Variants in COG7 observed in about 807,000 individuals in gnomAD.
The protein encoded by COG7 is conserved oligomeric Golgi complex subunit 7.
COG7 carries 49 observed loss-of-function variants against 91.5 expected under a neutral mutation model. The ratio of observed to expected loss-of-function variants is 0.54; its 90% CI spans 0.43 to 0.68. The LOEUF is 0.68. COG7 is among the 30% of genes least tolerant of loss of function. The probability of loss-of-function intolerance (pLI) is 0.00; values close to 1 mark genes in which losing one functional copy is unlikely to be tolerated. For missense variants in COG7, 895 were observed against 961.3 expected (o/e 0.93, Z 0.91); for synonymous variants, 365 against 388.7 (o/e 0.94, Z 0.72).
At chr16:23,450,096 C>T (rs1964243615) in intron 1 of COG7, among the ~76,000 whole-genome samples, 1 of 151,922 alleles carries the variant, frequency 6.6e-6, no homozygotes, top group African/African-American at 2.4e-5. Context: ...ACCACACCCA[C>T]CTCTAATTTT....
Position 23,406,011 on chromosome 16 carries a change from G to A in COG7, c.1662+65C>T. 3 of 1,471,470 alleles carry A rather than the reference G, an allele frequency of 2.0e-6. No individual in the cohort carries two copies. The South Asian group carries it at 3.4e-5, about 17-fold the overall frequency. 91.2% of individuals were successfully genotyped at this position (1,471,470 alleles called of 1,614,324 possible). ...ACAGGGCCCGCCTGTAACCCAGAGA[G>A]GGAGAGGGTGAGTGATGAGAAGAAG... On this transcript the variant is annotated intron_variant, in intron 12 of 16. Coordinates refer to ENST00000307149, the MANE Select transcript of COG7 (RefSeq NM_153603.4).
chr16:23,440,703 C>T (rs937760279), intron 4 of COG7, among the ~76,000 whole-genome samples: 2 of 152,000 alleles, frequency 1.3e-5, no homozygotes, highest in African/African-American at 4.8e-5. Context: ...GCGATCCTCC[C>T]ACCTTGACCT....
intron 4 of COG7, among the ~76,000 whole-genome samples, chr16:23,438,985 C>T (rs188081745): frequency 2.0e-4 from 31 of 151,740 alleles, no homozygotes; most frequent in African/African-American, 6.8e-4. Flanking sequence ...TGGTGAAACC[C>T]CATCTCTACT....
At chr16:23,444,917 C>G in intron 3 of COG7, 131 bp downstream of exon 3, 1 of 788,454 alleles carries the variant, frequency 1.3e-6, no homozygotes, top group Non-Finnish European at 2.3e-6. Context: ...AGCTTCAGAT[C>G]TTCCCCACCC....
Position 23,433,559 on chromosome 16 carries a change from G to T in COG7, c.796C>A (p.Gln266Lys), listed in dbSNP as rs1391413914. ...TGAGCTGTTACCTGTGTAGCCCACT[G>T]GATTTGTGTGTGCCAAGCACCAAGC... ...ALLGAWHTQI[Q>K]WATQVFQKPH... Residue 266 changes from glutamine to lysine, a missense_variant, in exon 6 of 17, where the codon CAG becomes AAG. By Grantham distance (53) the Gln-to-Lys change is moderately conservative. Coordinates refer to ENST00000307149, the MANE Select transcript of COG7 (RefSeq NM_153603.4). The T allele has an allele frequency of 1.9e-6, 3 of 1,613,942 alleles. No homozygotes were observed. The highest frequency in any genetic ancestry group is 2.5e-6 in the Non-Finnish European group (3 of 1,179,998).
At chr16:23,400,332 G>A (rs929078549) in intron 13 of COG7, among the ~76,000 whole-genome samples, 1 of 152,214 alleles carries the variant, frequency 6.6e-6, no homozygotes, top group Admixed American at 6.5e-5. Context: ...ACAGGTGTGG[G>A]ACACAGAGAA....
At chr16:23,396,232 G>A (rs1963283113) in intron 14 of COG7, among the ~76,000 whole-genome samples, 1 of 152,148 alleles carries the variant, frequency 6.6e-6, no homozygotes, top group African/African-American at 2.4e-5. Flanking sequence ...GGCAGGGAAG[G>A]GCCCGGGCCT....
At chr16:23,396,620 A>T (rs2142061019) in intron 14 of COG7, among the ~76,000 whole-genome samples, 1 of 152,214 alleles carries the variant, frequency 6.6e-6, no homozygotes, top group South Asian at 2.1e-4. Context: ...CCAAAGTTGC[A>T]GTGGGCCAAG....
intron 16 of COG7, among the ~76,000 whole-genome samples, chr16:23,390,851 G>A (rs765220703): frequency 2.0e-5 from 3 of 152,230 alleles, no homozygotes; most frequent in African/African-American, 7.2e-5. Flanking sequence ...CGCCAGGCAC[G>A]TACTTACTCC....
At chr16:23,404,818 G>C (rs1313661207) in intron 12 of COG7, among the ~76,000 whole-genome samples, 1 of 152,214 alleles carries the variant, frequency 6.6e-6, no homozygotes, top group African/African-American at 2.4e-5. Flanking sequence ...TATTCAGGAG[G>C]CTGAGGCAGA....
At chr16:23,412,404 T>A (rs1211533698) in intron 10 of COG7, 1 of 152,246 alleles carries the variant, frequency 6.6e-6, no homozygotes, top group Non-Finnish European at 1.5e-5. Context: ...ATCCGGATCA[T>A]GTTAAATCTA....
intron 6 of COG7, among the ~76,000 whole-genome samples, chr16:23,426,546 A>G (rs1963848400): frequency 6.6e-6 from 1 of 152,194 alleles, no homozygotes; most frequent in Admixed American, 6.5e-5. Flanking sequence ...GAATCAATGT[A>G]ATACACCACA....
Position 23,444,769 on chromosome 16 carries a change from G to A in COG7, c.435+279C>T, listed in dbSNP as rs1254643391. ...GATCCTCCCACCTCAGCATCCCAAA[G>A]AGCTGGGATTTCAGGTATGAGCCAC... On this transcript the variant is annotated intron_variant, in intron 3 of 16. Transcript: ENST00000307149. Among the ~76,000 whole-genome samples the A allele has an allele frequency of 2.0e-5, 3 of 152,018 alleles. 1 individual carries two copies. The highest frequency in any genetic ancestry group is 7.2e-5 in the African/African-American group (3 of 41,400).
chr16:23,424,994 A>C (rs368959110), intron 6 of COG7, 47 bp from the exon 7 acceptor site: 1 of 1,524,200 alleles, frequency 6.6e-7, no homozygotes, highest in African/African-American at 1.4e-5. Flanking sequence ...GGAGCCAAAT[A>C]GGAGCCCACC....
At chr16:23,442,774 GC>G (rs1369312932) in intron 3 of COG7, 129 bp from the exon 4 acceptor site, 16 of 831,696 alleles carry the variant, frequency 1.9e-5, no homozygotes, top group Non-Finnish European at 2.8e-5. Flanking sequence ...GGTGGTTCAT[GC>G]CTGTAATCCC....
chr16:23,420,041 C>G (rs1963729037), intron 7 of COG7, among the ~76,000 whole-genome samples: 1 of 151,264 alleles, frequency 6.6e-6, no homozygotes, highest in Non-Finnish European at 1.5e-5. Flanking sequence ...ACCTGGGAGG[C>G]TGAGGCAAGA....
chr16:23,400,917 TGGA>T (rs1478747603), intron 13 of COG7, among the ~76,000 whole-genome samples: 2 of 140,030 alleles, frequency 1.4e-5, no homozygotes, highest in Non-Finnish European at 3.1e-5. Context: ...TTGCAGTGAG[TGGA>T]GATCACACCA....
At chr16:23,445,517 G>A (rs879315821) in intron 2 of COG7, among the ~76,000 whole-genome samples, 1 of 152,152 alleles carries the variant, frequency 6.6e-6, no homozygotes, top group Non-Finnish European at 1.5e-5. Context: ...GCCGGGCATG[G>A]TGTTGCACGT....
At chr16:23,431,736 G>A (rs1596944991) in intron 6 of COG7, among the ~76,000 whole-genome samples, 1 of 150,616 alleles carries the variant, frequency 6.6e-6, no homozygotes, top group South Asian at 2.1e-4. Flanking sequence ...TTGAACCAGA[G>A]AGGCGGAGGT....
Sources: gnomAD v4.1 joint callset for allele counts (sites outside exome capture counted in the v4.1 genomes callset) on GRCh38, gnomAD v4.1.1 for gene constraint, MANE v1.5 for transcripts, NCBI Gene and HGNC (gene_info 2026-07-23, HGNC 2026-07-21) for gene names.